The following HEMK2 variants were observed in gnomAD, a reference collection of about 807,000 sequenced individuals.
HEMK2 encodes the protein methyltransferase HEMK2.
the HEMK2 span, among the ~76,000 whole-genome samples, chr21:28,863,391 A>G: frequency 8.4e-6 from 1 of 118,632 alleles, no homozygotes; most frequent in Non-Finnish European, 1.6e-5. Flanking sequence ...GTGTGAGTTA[A>G]TACTTAATAA....
chr21:28,606,100 G>A, the HEMK2 span, among the ~76,000 whole-genome samples: 2 of 152,048 alleles, frequency 1.3e-5, no homozygotes, highest in African/African-American at 4.8e-5. Flanking sequence ...AGTACCAGTT[G>A]GAATATCCAA....
chr21:28,780,792 T>C, the HEMK2 span, among the ~76,000 whole-genome samples: 1 of 152,130 alleles, frequency 6.6e-6, no homozygotes, highest in African/African-American at 2.4e-5. Flanking sequence ...GCCATTACAG[T>C]TCTTCTGCAC....
At chr21:28,711,240 G>T in the HEMK2 span, among the ~76,000 whole-genome samples, 1 of 152,094 alleles carries the variant, frequency 6.6e-6, no homozygotes, top group Non-Finnish European at 1.5e-5. Flanking sequence ...GGAATGAGAC[G>T]CTTTCATTAT....
At chr21:28,809,036 A>C in the HEMK2 span, among the ~76,000 whole-genome samples, 1 of 152,222 alleles carries the variant, frequency 6.6e-6, no homozygotes, top group African/African-American at 2.4e-5. Context: ...AAGCAAAATA[A>C]AATTTTGTCT....
At chr21:28,878,821 C>G in the HEMK2 span, among the ~76,000 whole-genome samples, 1 of 151,228 alleles carries the variant, frequency 6.6e-6, no homozygotes, top group African/African-American at 2.4e-5. Context: ...AAGAGACCTA[C>G]TGTACAGAAA....
At chr21:28,631,490 T>C in the HEMK2 span, among the ~76,000 whole-genome samples, 5 of 152,160 alleles carry the variant, frequency 3.3e-5, no homozygotes, top group African/African-American at 1.2e-4. Flanking sequence ...GGATGAGATC[T>C]GGAAATATGT....
chr21:28,619,113 G>T, the HEMK2 span, among the ~76,000 whole-genome samples: 1 of 152,094 alleles, frequency 6.6e-6, no homozygotes, highest in Non-Finnish European at 1.5e-5. Context: ...GGGAGAAGAC[G>T]GCCATCTACA....
the HEMK2 span, among the ~76,000 whole-genome samples, chr21:28,651,307 T>C: frequency 6.6e-6 from 1 of 152,194 alleles, no homozygotes; most frequent in Non-Finnish European, 1.5e-5. Flanking sequence ...TAAATCACTG[T>C]ACTTTTGAAC....
At chr21:28,882,200 C>T in the HEMK2 span, 3 of 1,594,518 alleles carry the variant, frequency 1.9e-6, no homozygotes, top group Non-Finnish European at 2.6e-6. Context: ...TTTGTTACAG[C>T]GTGCTGTCTC....
chr21:28,841,397 A>ATATATAATATATAAAATAT, the HEMK2 span, among the ~76,000 whole-genome samples: 3 of 37,734 alleles, frequency 8.0e-5, no homozygotes, highest in African/African-American at 5.7e-4. Context: ...ATAAAATATT[A>ATATATAATATATAAAATAT]TATATATAAT....
chr21:28,680,796 A>G, the HEMK2 span, among the ~76,000 whole-genome samples: 7 of 152,226 alleles, frequency 4.6e-5, no homozygotes, highest in Non-Finnish European at 8.8e-5. Flanking sequence ...ACCAACGACA[A>G]AAACCATACG....
the HEMK2 span, among the ~76,000 whole-genome samples, chr21:28,880,340 T>C: frequency 6.6e-6 from 1 of 152,240 alleles, no homozygotes; most frequent in Non-Finnish European, 1.5e-5. Flanking sequence ...TACAGATACC[T>C]ACCATTATTT....
the HEMK2 span, among the ~76,000 whole-genome samples, chr21:28,736,720 G>A: frequency 1.3e-5 from 2 of 151,736 alleles, no homozygotes; most frequent in Non-Finnish European, 2.9e-5. Context: ...AGTTGATATC[G>A]TGTCACTGCA....
the HEMK2 span, among the ~76,000 whole-genome samples, chr21:28,842,104 G>A: frequency 6.6e-6 from 1 of 152,130 alleles, no homozygotes; most frequent in Admixed American, 6.6e-5. Context: ...ACCTGGGGTG[G>A]TCTTAGGGAT....
the HEMK2 span, among the ~76,000 whole-genome samples, chr21:28,774,703 A>C: frequency 1.3e-5 from 2 of 152,236 alleles, no homozygotes; most frequent in Non-Finnish European, 2.9e-5. Context: ...TGATATGATG[A>C]TCTCATAAAA....
chr21:28,750,546 T>TA, the HEMK2 span, among the ~76,000 whole-genome samples: 1 of 151,326 alleles, frequency 6.6e-6, no homozygotes, highest in Non-Finnish European at 1.5e-5. Context: ...TAAAAAAATA[T>TA]AAAAACTAGC....
chr21:28,640,498 A>G, the HEMK2 span, among the ~76,000 whole-genome samples: 1 of 152,216 alleles, frequency 6.6e-6, no homozygotes, highest in South Asian at 2.1e-4. Context: ...CAGATCCTAG[A>G]AACAATCAGA....
chr21:28,587,899 C>G, the HEMK2 span, among the ~76,000 whole-genome samples: 3 of 152,186 alleles, frequency 2.0e-5, no homozygotes, highest in African/African-American at 2.4e-5. Flanking sequence ...CTTTGGTATT[C>G]TCCACATGCA....
the HEMK2 span, among the ~76,000 whole-genome samples, chr21:28,697,778 C>CAAAAAAAAA: frequency 0.052 from 4,114 of 78,938 alleles, 143 homozygotes; most frequent in South Asian, 0.073. Context: ...ATCATGAGCC[C>CAAAAAAAAA]AAAAAAAAAA....
Sources: gnomAD v4.1 joint callset for allele counts (sites outside exome capture counted in the v4.1 genomes callset) on GRCh38, gnomAD v4.1.1 for gene constraint, MANE v1.5 for transcripts, NCBI Gene and HGNC (gene_info 2026-07-23, HGNC 2026-07-21) for gene names.